AGBL4: variants seen among roughly 807,000 people sequenced by gnomAD.
The protein encoded by AGBL4 is AGBL carboxypeptidase 4, also known as cytosolic carboxypeptidase 6.
AGBL4 carries 58 observed loss-of-function variants against 66.4 expected under a neutral mutation model. The observed-to-expected ratio is 0.87, with a 90% confidence interval of 0.71 to 1.09. AGBL4 has a LOEUF of 1.09. AGBL4 is among the 50% of genes least tolerant of loss of function. The pLI, the probability that AGBL4 is intolerant of heterozygous loss-of-function variation, is 0.00. For synonymous variants in AGBL4, 234 were observed against 222.9 expected (o/e 1.05, Z -0.44); for missense variants, 579 against 631.0 (o/e 0.92, Z 0.88).
At chr1:49,747,790 A>C (rs1386317969) in intron 2 of AGBL4, among the ~76,000 whole-genome samples, 1 of 152,192 alleles carries the variant, frequency 6.6e-6, no homozygotes, top group Non-Finnish European at 1.5e-5. Context: ...CCTAGAAGGC[A>C]GGCAAATGTT....
intron 2 of AGBL4, among the ~76,000 whole-genome samples, chr1:49,749,714 C>T (rs1287758114): frequency 6.6e-6 from 1 of 152,092 alleles, no homozygotes; most frequent in Non-Finnish European, 1.5e-5. Flanking sequence ...ATGTCCAAGT[C>T]TTCTACATTA....
chr1:48,539,225 A>C (rs1161803235), intron 12 of AGBL4, among the ~76,000 whole-genome samples: 2 of 152,204 alleles, frequency 1.3e-5, no homozygotes, highest in African/African-American at 4.8e-5. Context: ...CACATATCTC[A>C]TAATAATCAT....
chr1:49,824,148 G>T (rs1645444212), intron 2 of AGBL4, among the ~76,000 whole-genome samples: 1 of 152,130 alleles, frequency 6.6e-6, no homozygotes, highest in Non-Finnish European at 1.5e-5. Flanking sequence ...GGCAGAAGTT[G>T]CAGTGAGCCG....
At chr1:49,516,874 A>C (rs912964353) in intron 3 of AGBL4, among the ~76,000 whole-genome samples, 10 of 152,124 alleles carry the variant, frequency 6.6e-5, no homozygotes, top group Non-Finnish European at 1.5e-4. Flanking sequence ...GTAGACAGAC[A>C]TTCCTATAAG....
chr1:49,555,440 G>T (rs1002820014), intron 3 of AGBL4, among the ~76,000 whole-genome samples: 1 of 150,570 alleles, frequency 6.6e-6, no homozygotes, highest in South Asian at 2.1e-4. Context: ...GCACTGATTG[G>T]TGTGTTTACA....
intron 3 of AGBL4, among the ~76,000 whole-genome samples, chr1:49,372,505 C>T (rs1380537792): frequency 1.3e-5 from 2 of 152,206 alleles, no homozygotes; most frequent in Admixed American, 1.3e-4. Context: ...ACCCATGACC[C>T]GAACTTACCT....
intron 5 of AGBL4, among the ~76,000 whole-genome samples, chr1:48,897,106 C>A (rs1651593301): frequency 6.6e-6 from 1 of 152,152 alleles, no homozygotes; most frequent in Non-Finnish European, 1.5e-5. Flanking sequence ...GTAATAAATA[C>A]ACTTATATCC....
At chr1:49,938,302 G>C (rs549390719) in intron 1 of AGBL4, among the ~76,000 whole-genome samples, 10 of 152,108 alleles carry the variant, frequency 6.6e-5, no homozygotes, top group Admixed American at 5.9e-4. Context: ...CCAGGAAGAA[G>C]TTGAATCCCT....
intron 3 of AGBL4, among the ~76,000 whole-genome samples, chr1:49,309,892 T>C (rs770958438): frequency 1.3e-5 from 2 of 152,078 alleles, no homozygotes; most frequent in Non-Finnish European, 2.9e-5. Flanking sequence ...ACTTATCAAC[T>C]TAAATGTTAT....
intron 8 of AGBL4, among the ~76,000 whole-genome samples, chr1:48,647,373 T>C (rs946479095): frequency 6.6e-6 from 1 of 152,216 alleles, no homozygotes; most frequent in Non-Finnish European, 1.5e-5. Context: ...ACTATGGTAA[T>C]ATTGCAATTC....
At chr1:49,672,921 CAAA>C (rs60612868) in intron 3 of AGBL4, among the ~76,000 whole-genome samples, 1 of 47,056 alleles carries the variant, frequency 2.1e-5, no homozygotes, top group Non-Finnish European at 5.0e-5. Flanking sequence ...AACTCCATCT[CAAA>C]AAAAAAAAAA....
intron 4 of AGBL4, among the ~76,000 whole-genome samples, chr1:49,118,645 G>C (rs1346357487): frequency 6.6e-6 from 1 of 152,104 alleles, no homozygotes; most frequent in Non-Finnish European, 1.5e-5. Flanking sequence ...CAGGGATATT[G>C]GTCTAAAATT....
chr1:49,529,418 G>T (rs1463316889), intron 3 of AGBL4, among the ~76,000 whole-genome samples: 2 of 152,136 alleles, frequency 1.3e-5, no homozygotes, highest in African/African-American at 2.4e-5. Context: ...GGTGGCTTAT[G>T]CCAGTAATCC....
At chr1:49,362,639 G>A (rs1448979168) in intron 3 of AGBL4, among the ~76,000 whole-genome samples, 2 of 151,950 alleles carry the variant, frequency 1.3e-5, no homozygotes, top group Non-Finnish European at 2.9e-5. Flanking sequence ...ACTTGACTAG[G>A]ATCCTTTTCT....
rs1460948555 is a variant in AGBL4, at chr1:49,644,359, T to G, written c.282+52954A>C. Among the ~76,000 whole-genome samples, 5 of 151,578 alleles carry G rather than the reference T, an allele frequency of 3.3e-5. No individual in the cohort carries two copies. In the East Asian group the frequency reaches 9.6e-4, roughly 29 times the overall value. On this transcript the variant is annotated intron_variant, in intron 3 of 13. Transcript: ENST00000371839. ...AACACTCTAACTAAAAGGAAGAAGT[T>G]GTCAAACTGGGTTCAAAAGTAAGAT...
chr1:49,257,586 C>G (rs560463687), intron 3 of AGBL4: 2 of 152,982 alleles, frequency 1.3e-5, no homozygotes, highest in South Asian at 4.1e-4. Flanking sequence ...CTTTCCTTGA[C>G]CAGGAAAGGG....
chr1:48,557,588 A>G (rs1644339594), intron 11 of AGBL4, among the ~76,000 whole-genome samples: 1 of 152,216 alleles, frequency 6.6e-6, no homozygotes, highest in African/African-American at 2.4e-5. Context: ...GGTTGCAGAG[A>G]TCAAAAGGTT....
At chr1:49,760,113 T>TGTC (rs145534155) in intron 2 of AGBL4, among the ~76,000 whole-genome samples, 1 of 24,404 alleles carries the variant, frequency 4.1e-5, no homozygotes, top group Non-Finnish European at 1.4e-4. Context: ...TTTTGAAAAT[T>TGTC]GTTCGTATCC....
chr1:49,087,602 C>G (rs1644931046), intron 4 of AGBL4, among the ~76,000 whole-genome samples: 1 of 152,116 alleles, frequency 6.6e-6, no homozygotes, highest in Non-Finnish European at 1.5e-5. Context: ...AGAGACAAAT[C>G]TTTAACTCAC....
Sources: gnomAD v4.1 joint callset for allele counts (sites outside exome capture counted in the v4.1 genomes callset) on GRCh38, gnomAD v4.1.1 for gene constraint, MANE v1.5 for transcripts, NCBI Gene and HGNC (gene_info 2026-07-23, HGNC 2026-07-21) for gene names.